Variants in RASSF3 observed in about 807,000 individuals in gnomAD.
RASSF3 encodes ras association domain-containing protein 3.
A neutral mutation model predicts 19.9 loss-of-function variants in RASSF3; 19 were observed. The observed-to-expected ratio is 0.96, with a 90% CI of 0.67 to 1.40. The LOEUF is 1.40. Among genes scored for constraint, RASSF3 ranks in the 40% most tolerant of loss-of-function variants. The pLI is 0.00. For synonymous variants in RASSF3, 110 were observed against 104.2 expected (o/e 1.06, Z -0.34); for missense variants, 306 against 289.8 (o/e 1.06, Z -0.41).
chr12:64,649,036 T>C (rs1339223423), intron 1 of RASSF3, among the ~76,000 whole-genome samples: 1 of 151,750 alleles, frequency 6.6e-6, no homozygotes, highest in Non-Finnish European at 1.5e-5. Flanking sequence ...CTCAAACTCA[T>C]GGCCTCAAGC....
At chr12:64,559,605 T>G (rs1869315823) in intron 2 of RASSF3, among the ~76,000 whole-genome samples, 1 of 152,142 alleles carries the variant, frequency 6.6e-6, no homozygotes, top group Non-Finnish European at 1.5e-5. Flanking sequence ...CTTTATTCTT[T>G]TCTCTGCCAC....
chr12:64,551,630 G>C (rs1869165756), intron 2 of RASSF3, among the ~76,000 whole-genome samples: 1 of 152,090 alleles, frequency 6.6e-6, no homozygotes, highest in Non-Finnish European at 1.5e-5. Flanking sequence ...GCATTGCTGT[G>C]GAGATTTAAT....
intron 1 of RASSF3, among the ~76,000 whole-genome samples, chr12:64,670,901 A>G (rs917549163): frequency 6.6e-6 from 1 of 152,062 alleles, no homozygotes; most frequent in Non-Finnish European, 1.5e-5. Context: ...TAGGAACCTC[A>G]CCTAGCCCCT....
chr12:64,682,475 G>A lies in RASSF3; in HGVS notation c.112-2312G>A, dbSNP rs184878940. Among the ~76,000 whole-genome samples, 247 of 151,982 alleles carry A rather than the reference G, an allele frequency of 1.6e-3. 2 individuals are homozygous for A. The East Asian group carries it at 0.033, about 20-fold the overall frequency. On this transcript the variant is annotated intron_variant, in intron 1 of 4. Transcript: ENST00000542104. ...CCAGCTACTCGGGAGGCTGAGGCAGGAGAATGGCGTGAACCCAGGAGGCGG... is the reference window on the plus strand; with the variant it reads ...CCAGCTACTCGGGAGGCTGAGGCAGAAGAATGGCGTGAACCCAGGAGGCGG...
chr12:64,681,588 G>C (rs1047789901), intron 1 of RASSF3, among the ~76,000 whole-genome samples: 1 of 152,172 alleles, frequency 6.6e-6, no homozygotes, highest in Admixed American at 6.5e-5. Flanking sequence ...TATATGCTTT[G>C]AAGAGTCTTT....
upstream of RASSF3, among the ~76,000 whole-genome samples, chr12:64,533,066 A>G (rs1165817872): frequency 6.6e-6 from 1 of 152,136 alleles, no homozygotes; most frequent in South Asian, 2.1e-4. Flanking sequence ...AGGTGTGAAC[A>G]CTTGACGGTC....
At chr12:64,542,790 C>T (rs1211150561), downstream of RASSF3, among the ~76,000 whole-genome samples, 2 of 152,194 alleles carry the variant, frequency 1.3e-5, no homozygotes, top group African/African-American at 4.8e-5. Context: ...AGCCCTCGCT[C>T]GCTCTTGGCG....
chr12:64,577,392 T>C (rs1461027195), intron 2 of RASSF3, among the ~76,000 whole-genome samples: 2 of 152,214 alleles, frequency 1.3e-5, no homozygotes, highest in Non-Finnish European at 2.9e-5. Context: ...GATGTTCAGG[T>C]GATTGGCTTT....
intron 1 of RASSF3, among the ~76,000 whole-genome samples, chr12:64,649,890 T>C (rs922238238): frequency 6.6e-6 from 1 of 152,244 alleles, no homozygotes; most frequent in African/African-American, 2.4e-5. Flanking sequence ...TCTTTACGAT[T>C]ATAAAGACAC....
intron 1 of RASSF3, among the ~76,000 whole-genome samples, chr12:64,683,077 C>G (rs560573822): frequency 6.6e-6 from 1 of 152,142 alleles, no homozygotes; most frequent in African/African-American, 2.4e-5. Flanking sequence ...TTATCTGTAA[C>G]GTAGGGGTGC....
chr12:64,617,434 T>C (rs1042859284), intron 1 of RASSF3, among the ~76,000 whole-genome samples: 7 of 152,192 alleles, frequency 4.6e-5, no homozygotes, highest in African/African-American at 1.4e-4. Context: ...GCTTACCCAA[T>C]AGGCAAATGA....
At chr12:64,592,079 T>C (rs1345844763) in intron 2 of RASSF3, among the ~76,000 whole-genome samples, 2 of 152,150 alleles carry the variant, frequency 1.3e-5, no homozygotes, top group African/African-American at 4.8e-5. Flanking sequence ...TTTTGTAATT[T>C]TTGTAAAGAG....
At chr12:64,650,104 C>T (rs989217588) in intron 1 of RASSF3, among the ~76,000 whole-genome samples, 24 of 152,188 alleles carry the variant, frequency 1.6e-4, no homozygotes, top group African/African-American at 3.9e-4. Context: ...AGATGATACA[C>T]GCATGTATTT....
At chr12:64,684,961 A>T in intron 2 of RASSF3, 67 bp downstream of exon 2, 1 of 912,386 alleles carries the variant, frequency 1.1e-6, no homozygotes, top group Non-Finnish European at 1.8e-6. Context: ...TTGGTACTAC[A>T]ATCTATAGTT....
At chr12:64,686,670 T>C (rs1306659409) in intron 2 of RASSF3, among the ~76,000 whole-genome samples, 1 of 151,478 alleles carries the variant, frequency 6.6e-6, no homozygotes, top group African/African-American at 2.4e-5. Context: ...CTCCTAAAAA[T>C]AGAAAAATTA....
At chr12:64,659,982 GTA>G (rs796293129) in intron 1 of RASSF3, among the ~76,000 whole-genome samples, 7 of 142,106 alleles carry the variant, frequency 4.9e-5, no homozygotes, top group Admixed American at 1.4e-4. Flanking sequence ...GTGTGTGTGT[GTA>G]TGTATGTGTA....
At chr12:64,534,623 A>G (rs1868782511) in intron 1 of RASSF3, among the ~76,000 whole-genome samples, 1 of 152,202 alleles carries the variant, frequency 6.6e-6, no homozygotes, top group African/African-American at 2.4e-5. Context: ...GGCTGGTAGT[A>G]GGAAGGAGGA....
chr12:64,614,260 A>G (rs549672351), intron 1 of RASSF3, among the ~76,000 whole-genome samples: 74 of 151,438 alleles, frequency 4.9e-4, no homozygotes, highest in Admixed American at 3.6e-3. Context: ...CAGCCTCCCG[A>G]GTAGCTGGGA....
chr12:64,544,136 AC>A (rs1420559784), downstream of RASSF3, among the ~76,000 whole-genome samples: 3 of 151,654 alleles, frequency 2.0e-5, no homozygotes, highest in African/African-American at 7.3e-5. Flanking sequence ...GGTACTGCTC[AC>A]TCTTTGGGTC....
Sources: allele counts gnomAD v4.1 joint callset (sites outside exome capture counted in the v4.1 genomes callset), GRCh38; gene constraint gnomAD v4.1.1; transcripts MANE v1.5; gene names NCBI Gene and HGNC (gene_info 2026-07-23, HGNC 2026-07-21).